The following RBFOX3 variants were observed in gnomAD, a reference collection of about 807,000 sequenced individuals.
RBFOX3 encodes RNA binding protein fox-1 homolog 3.
Under a neutral mutation model 48.7 loss-of-function variants are expected in RBFOX3, and 17 were observed. That is an observed-to-expected ratio of 0.35 (90% CI 0.24 to 0.52). RBFOX3 has a LOEUF of 0.52. Ranked by LOEUF, RBFOX3 falls within the 20% of genes least tolerant of loss-of-function variation. The probability of loss-of-function intolerance (pLI) is 0.94; values close to 1 mark genes in which losing one functional copy is unlikely to be tolerated. For synonymous variants in RBFOX3, 212 were observed against 209.5 expected, an observed-to-expected ratio of 1.01 and a Z score of -0.10; for missense variants, 382 against 497.5, an observed-to-expected ratio of 0.77 and a Z score of 2.21.
chr17:79,538,715 G>A (rs1555789391), intron 1 of RBFOX3, among the ~76,000 whole-genome samples: 1 of 152,224 alleles, frequency 6.6e-6, no homozygotes, highest in Non-Finnish European at 1.5e-5. Flanking sequence ...AGGTGCCCAT[G>A]TGGGGGCTGG....
At chr17:79,486,058 G>A (rs2079545312) in intron 1 of RBFOX3, among the ~76,000 whole-genome samples, 1 of 152,278 alleles carries the variant, frequency 6.6e-6, no homozygotes, top group African/African-American at 2.4e-5. Flanking sequence ...GGGGTTTAGG[G>A]GACCTCAGGG....
Position 79,418,360 on chromosome 17 carries a change from C to T in RBFOX3, c.-175+64094G>A, listed in dbSNP as rs1006970814. On this transcript the variant is annotated intron_variant, in intron 2 of 14. Transcript: ENST00000693108. The surrounding 1 kb of genome is among the most constrained non-coding windows in gnomAD (Gnocchi z 5.0). ...CGTTTCCCACACTAAAAGTTGGCCACGTTCTTCCTACAGCAAAAGAAAGGT... is the reference window on the plus strand; with the variant it reads ...CGTTTCCCACACTAAAAGTTGGCCATGTTCTTCCTACAGCAAAAGAAAGGT... Among the ~76,000 whole-genome samples, 1 of 152,186 alleles carries T rather than the reference C, an allele frequency of 6.6e-6. No homozygotes were observed. The highest frequency in any genetic ancestry group is 1.5e-5 in the Non-Finnish European group (1 of 68,044).
At chr17:79,459,436 G>A (rs556915245) in intron 2 of RBFOX3, among the ~76,000 whole-genome samples, 1 of 152,196 alleles carries the variant, frequency 6.6e-6, no homozygotes, top group East Asian at 1.9e-4. Flanking sequence ...GGAACCCAGT[G>A]TGACCAGATG....
chr17:79,585,097 T>C (rs1466966574), intron 1 of RBFOX3, among the ~76,000 whole-genome samples: 4 of 151,574 alleles, frequency 2.6e-5, no homozygotes, highest in African/African-American at 4.9e-5. Flanking sequence ...CTGGGGAAAG[T>C]GTGGGGGGTG....
At chr17:79,513,135 C>T (rs2084716466) in intron 1 of RBFOX3, among the ~76,000 whole-genome samples, 1 of 152,042 alleles carries the variant, frequency 6.6e-6, no homozygotes, top group East Asian at 1.9e-4. Flanking sequence ...ATACATGTTA[C>T]CATCAAGTAC....
the RBFOX3 span, among the ~76,000 whole-genome samples, chr17:79,619,207 G>C: frequency 6.6e-6 from 1 of 152,190 alleles, no homozygotes; most frequent in East Asian, 1.9e-4. Context: ...CTTTTAGGAG[G>C]TGCAGAGACT....
intron 3 of RBFOX3, among the ~76,000 whole-genome samples, chr17:79,246,616 C>G (rs1410166223): frequency 6.6e-6 from 1 of 152,210 alleles, no homozygotes; most frequent in South Asian, 2.1e-4. Context: ...CCCCTGCTCC[C>G]GGGTGTGGAG....
At chr17:79,582,075 C>T (rs1343505106) in intron 1 of RBFOX3, among the ~76,000 whole-genome samples, 20 of 90,422 alleles carry the variant, frequency 2.2e-4, no homozygotes, top group Middle Eastern at 8.9e-3. Context: ...TGTGCCTGTG[C>T]GTGCCTGTGT....
intron 11 of RBFOX3, 144 bp from the exon 12 acceptor site, chr17:79,096,977 G>T: frequency 1.7e-6 from 1 of 598,346 alleles, no homozygotes; most frequent in African/African-American, 1.9e-5. Flanking sequence ...CAGGGAATGG[G>T]AGCAGAGAGG....
the RBFOX3 span, among the ~76,000 whole-genome samples, chr17:79,660,972 C>A: frequency 3.3e-5 from 5 of 152,142 alleles, no homozygotes; most frequent in Middle Eastern, 3.2e-3. Context: ...AGAACATGTC[C>A]TTTGCTGGGA....
At chr17:79,159,804 C>T (rs1270897792) in intron 4 of RBFOX3, among the ~76,000 whole-genome samples, 1 of 152,234 alleles carries the variant, frequency 6.6e-6, no homozygotes. Flanking sequence ...ACTACCTCCA[C>T]ACTCACACCC....
intron 3 of RBFOX3, among the ~76,000 whole-genome samples, chr17:79,267,830 C>T (rs775606697): frequency 8.5e-5 from 13 of 152,048 alleles, no homozygotes; most frequent in African/African-American, 1.7e-4. Context: ...GAAACCTGGG[C>T]GTGTCAACTG....
chr17:79,486,030 C>T lies in RBFOX3; in HGVS notation c.-319-3432G>A, dbSNP rs369678509. Among the ~76,000 whole-genome samples the T allele has an allele frequency of 2.7e-3, 410 of 152,388 alleles. 8 individuals are homozygous for T. In the South Asian group the frequency reaches 0.041, roughly 15 times the overall value. On this transcript the variant is annotated intron_variant, in intron 1 of 14. Transcript: ENST00000693108. Reference sequence around the variant, plus strand: ...CCGCGTGCGCTCCTGTACCCCACGCCCCACCCCTTGGTGCTGCGGGGTTTA... The same window carrying T: ...CCGCGTGCGCTCCTGTACCCCACGCTCCACCCCTTGGTGCTGCGGGGTTTA...
At chr17:79,594,906 C>T (rs1464119157) in intron 1 of RBFOX3, among the ~76,000 whole-genome samples, 1 of 152,100 alleles carries the variant, frequency 6.6e-6, no homozygotes, top group African/African-American at 2.4e-5. Flanking sequence ...TGAGTTTTCA[C>T]GTGTGGTTCC....
chr17:79,154,748 G>A (rs1410591426), intron 4 of RBFOX3, among the ~76,000 whole-genome samples: 1 of 152,266 alleles, frequency 6.6e-6, no homozygotes, highest in Non-Finnish European at 1.5e-5. Flanking sequence ...CCCGTTGGCT[G>A]GTTCCTGCTT....
At chr17:79,399,419 A>G (rs111743958) in intron 2 of RBFOX3, among the ~76,000 whole-genome samples, 35 of 152,206 alleles carry the variant, frequency 2.3e-4, no homozygotes, top group African/African-American at 8.2e-4. Flanking sequence ...ACAGCATTGC[A>G]CCAGCTTTCA....
Position 79,212,826 on chromosome 17 carries a change from C to A in RBFOX3, c.-34+22940G>T, listed in dbSNP as rs1465535509. On this transcript the variant is annotated intron_variant, in intron 4 of 14. Coordinates refer to ENST00000693108, the MANE Select transcript of RBFOX3 (RefSeq NM_001350451.2). This position sits in a 1 kb window ranked among gnomAD's most constrained non-coding sequence, Gnocchi z 4.7. ...CATTCTCTCCCTTAGGGGACCCAGACAACTTCCTGGGGCCTGGAAACAGAT... is the reference window on the plus strand; with the variant it reads ...CATTCTCTCCCTTAGGGGACCCAGAAAACTTCCTGGGGCCTGGAAACAGAT... Among the ~76,000 whole-genome samples, 1 of 152,154 alleles carries A rather than the reference C, an allele frequency of 6.6e-6. No homozygotes were observed. The highest frequency in any genetic ancestry group is 1.5e-5 in the Non-Finnish European group (1 of 68,028).
At chr17:79,652,379 A>G in the RBFOX3 span, among the ~76,000 whole-genome samples, 1 of 151,658 alleles carries the variant, frequency 6.6e-6, no homozygotes, top group Admixed American at 6.6e-5. Context: ...CCAGGAGGTC[A>G]AGGCTGCAGT....
At chr17:79,385,511 C>T (rs1364998546) in intron 2 of RBFOX3, among the ~76,000 whole-genome samples, 1 of 152,124 alleles carries the variant, frequency 6.6e-6, no homozygotes, top group Admixed American at 6.5e-5. Flanking sequence ...CTGTTCCTGG[C>T]CACAGTGATC....
Sources: gnomAD v4.1 joint callset for allele counts (sites outside exome capture counted in the v4.1 genomes callset) on GRCh38, gnomAD v4.1.1 for gene constraint, Gnocchi (gnomAD v3.1) non-coding constraint, MANE v1.5 for transcripts, NCBI Gene and HGNC (gene_info 2026-07-23, HGNC 2026-07-21) for gene names.